Variants in PRC1 observed in about 807,000 individuals in gnomAD.
PRC1 encodes protein regulator of cytokinesis 1.
A neutral mutation model predicts 91.2 loss-of-function variants in PRC1; 54 were observed. The observed-to-expected ratio is 0.59, with a 90% CI of 0.48 to 0.74. PRC1 has a LOEUF of 0.74. Ranked by LOEUF, PRC1 falls within the 30% of genes least tolerant of loss-of-function variation. PRC1 has a pLI of 0.00. For synonymous variants in PRC1, 275 were observed against 263.6 expected (o/e 1.04, Z -0.42); for missense variants, 727 against 746.2 (o/e 0.97, Z 0.30).
intron 1 of PRC1, among the ~76,000 whole-genome samples, chr15:90,993,070 CAAAAAAAAAAAAA>C (rs67427806): frequency 7.1e-4 from 22 of 30,942 alleles, no homozygotes; most frequent in Non-Finnish European, 1.2e-3. Context: ...GACCCCGTCT[CAAAAAAAAAAAAA>C]AAAAAAAAAA....
At position 90,974,854 on chromosome 15, in the gene PRC1, TG is replaced by T; in HGVS notation, c.1204-124del. On this transcript the variant is annotated intron_variant, in intron 9 of 14. Transcript: ENST00000394249. This position sits in a 1 kb window ranked among gnomAD's most constrained non-coding sequence, Gnocchi z 4.6. ...CATCATTAGCCTCATTTCAGGTAGC[TG>T]GGCCCACATGGGTACAGGTCAGAGT... is the stretch of plus-strand genomic sequence containing the variant. 9.2e-7 allele frequency: 1 copy of T among 1,092,240 alleles called. No homozygotes were observed. The highest frequency in any genetic ancestry group is 1.4e-6 in the Non-Finnish European group (1 of 734,076). The allele number at this position is 1,092,240 out of a possible 1,614,324, so 67.7% of individuals were successfully genotyped here. A position where few individuals can be genotyped will look rare whatever the true frequency, so the allele number is the denominator to read the frequency against.
intron 11 of PRC1, among the ~76,000 whole-genome samples, chr15:90,971,289 G>A (rs1055544878): frequency 5.9e-5 from 9 of 152,146 alleles, no homozygotes; most frequent in Admixed American, 3.3e-4. Context: ...AATGATAAGA[G>A]CTGTAAATGT....
chr15:90,974,959 C>T lies in PRC1; in HGVS notation c.1204-228G>A, dbSNP rs2038543681. ...AAATGGCAAGAACCCAAAGTTTGACCACTAAGGTTTTGGTGCCTGAAGTTG... is the reference window on the plus strand; with the variant it reads ...AAATGGCAAGAACCCAAAGTTTGACTACTAAGGTTTTGGTGCCTGAAGTTG... On this transcript the variant is annotated intron_variant, in intron 9 of 14. Coordinates refer to ENST00000394249, the MANE Select transcript of PRC1 (RefSeq NM_003981.4). The surrounding 1 kb of genome is among the most constrained non-coding windows in gnomAD (Gnocchi z 4.6). Among the ~76,000 whole-genome samples the T allele has an allele frequency of 6.6e-6, 1 of 152,172 alleles. No individual in the cohort carries two copies. Among genetic ancestry groups the T allele is most frequent in the Admixed American group, 6.5e-5 (1 of 15,282 alleles).
chr15:90,979,707 C>T (rs1454124579), intron 7 of PRC1, among the ~76,000 whole-genome samples: 1 of 152,206 alleles, frequency 6.6e-6, no homozygotes, highest in Non-Finnish European at 1.5e-5. Context: ...CAACTGGACT[C>T]CAGGAGTCAA....
intron 9 of PRC1, among the ~76,000 whole-genome samples, chr15:90,975,300 C>T (rs1476073108): frequency 2.0e-5 from 3 of 152,050 alleles, no homozygotes; most frequent in Admixed American, 2.0e-4. Flanking sequence ...GATGGGGTTT[C>T]GTCATGTTGG....
chr15:90,992,229 G>C (rs1317153724), intron 1 of PRC1, among the ~76,000 whole-genome samples: 1 of 151,892 alleles, frequency 6.6e-6, no homozygotes, highest in African/African-American at 2.4e-5. Context: ...TTAACCTCTT[G>C]ATTTCTCTAC....
At chr15:90,973,112 G>T (rs2038310475) in intron 11 of PRC1, 2 of 152,286 alleles carry the variant, frequency 1.3e-5, no homozygotes, top group African/African-American at 4.8e-5. Context: ...AAGAGGTAGG[G>T]AAAAGAAAGA....
chr15:90,989,056 T>G (rs1469839365), intron 1 of PRC1, among the ~76,000 whole-genome samples: 2 of 152,082 alleles, frequency 1.3e-5, no homozygotes, highest in Non-Finnish European at 2.9e-5. Context: ...AATAAGCACA[T>G]GAAAAGATGC....
chr15:90,976,786 T>G lies in PRC1; in HGVS notation c.1108-15A>C. On this transcript the variant is annotated splice_polypyrimidine_tract_variant and intron_variant, in intron 8 of 14. Coordinates refer to ENST00000394249, the MANE Select transcript of PRC1 (RefSeq NM_003981.4). Reference sequence around the variant, plus strand: ...GAAGCTTTTCTCTGTGAAAAATACATTTTTAATTAGTGGAAAACCTGGCAC... The same window carrying G: ...GAAGCTTTTCTCTGTGAAAAATACAGTTTTAATTAGTGGAAAACCTGGCAC... 1 of 1,593,984 alleles carries G rather than the reference T, an allele frequency of 6.3e-7. No individual in the cohort carries two copies. The highest frequency in any genetic ancestry group is 8.6e-7 in the Non-Finnish European group (1 of 1,162,900).
chr15:90,993,868 AAGCC>A (rs1479677285), intron 1 of PRC1, among the ~76,000 whole-genome samples: 8 of 152,320 alleles, frequency 5.3e-5, no homozygotes, highest in Non-Finnish European at 1.0e-4. Context: ...GGATTACTTG[AAGCC>A]AGGAGTTCGA....
In PRC1 at chr15:90,983,046, T is replaced by C. The variant is rs58994217; in HGVS notation, c.267+972A>G. 8.3e-3 allele frequency among the ~76,000 whole-genome samples: 1,271 copies of C among 152,326 alleles called. 23 individuals carry two copies. Among genetic ancestry groups the C allele is most frequent in the African/African-American group, 0.029 (1,204 of 41,566 alleles). ...TCAGGTAACTTAAGGGAGATGATCGTTGTACACCTCACTTCTCGCCCAATT... is the reference window on the plus strand; with the variant it reads ...TCAGGTAACTTAAGGGAGATGATCGCTGTACACCTCACTTCTCGCCCAATT... On this transcript the variant is annotated intron_variant, in intron 3 of 14. Transcript: ENST00000394249.
At chr15:90,971,607 TAAA>T (rs2038138455) in intron 11 of PRC1, among the ~76,000 whole-genome samples, 1 of 150,210 alleles carries the variant, frequency 6.7e-6, no homozygotes, top group Non-Finnish European at 1.5e-5. Flanking sequence ...TTTTTTTAAT[TAAA>T]AAAATTCTAG....
At position 90,980,871 on chromosome 15, in the gene PRC1, C is replaced by T. The variant is rs1414105496; in HGVS notation, c.822+13G>A. 1.9e-6 allele frequency: 3 copies of T among 1,614,192 alleles called. No individual in the cohort carries two copies. Among genetic ancestry groups the T allele is most frequent in the East Asian group, 2.2e-5 (1 of 44,886 alleles). ...GAGAAGACTGCTGACCCAGTACCCA[C>T]TGGGTTTCTTACCGCTTTCCGGACC... On this transcript the variant is annotated intron_variant, in intron 6 of 14. Transcript: ENST00000394249.
At chr15:90,991,956 T>C (rs1182163216) in intron 1 of PRC1, among the ~76,000 whole-genome samples, 1 of 152,226 alleles carries the variant, frequency 6.6e-6, no homozygotes, top group Admixed American at 6.5e-5. Flanking sequence ...CCATTCCATC[T>C]GAAAGCCATT....
At chr15:90,990,432 C>T (rs576302891) in intron 1 of PRC1, among the ~76,000 whole-genome samples, 9 of 148,532 alleles carry the variant, frequency 6.1e-5, no homozygotes, top group African/African-American at 2.2e-4. Flanking sequence ...CTCTATGTTG[C>T]CCAAGCTGTT....
chr15:90,977,127 A>AAAAC (rs1370422764), intron 8 of PRC1: 1 of 143,052 alleles, frequency 7.0e-6, no homozygotes, highest in African/African-American at 3.1e-5. Context: ...CTCAAAAAAA[A>AAAAC]AAAAAAAAAA....
At chr15:90,978,392 G>A (rs1359217508) in intron 8 of PRC1, among the ~76,000 whole-genome samples, 2 of 151,116 alleles carry the variant, frequency 1.3e-5, no homozygotes, top group Non-Finnish European at 2.9e-5. Context: ...GAAGAGAGCC[G>A]GGAAGAGCTC....
chr15:90,968,077 C>G lies in PRC1; in HGVS notation c.1792-875G>C. 5.1e-6 allele frequency: 5 copies of G among 985,478 alleles called. No homozygotes were observed. The South Asian group carries it at 2.3e-4, about 46-fold the overall frequency. 61.0% of individuals were successfully genotyped at this position (985,478 alleles called of 1,614,324 possible). A position where few individuals can be genotyped will look rare whatever the true frequency, so the allele number is the denominator to read the frequency against. ...AGAGGTTAGTTTACCGGCTTTGGTGCTGCCTGGTGGAGTCTATCAGCCATA... is the reference window on the plus strand; with the variant it reads ...AGAGGTTAGTTTACCGGCTTTGGTGGTGCCTGGTGGAGTCTATCAGCCATA... On this transcript the variant is annotated intron_variant, in intron 14 of 14. Transcript: ENST00000394249.
intron 11 of PRC1, 106 bp from the exon 12 acceptor site, chr15:90,970,620 G>T: frequency 1.3e-6 from 1 of 790,612 alleles, no homozygotes; most frequent in Non-Finnish European, 2.1e-6. Context: ...GCAGTCTAGG[G>T]AAGACGGGTT....
Sources: allele counts gnomAD v4.1 joint callset (sites outside exome capture counted in the v4.1 genomes callset), GRCh38; gene constraint gnomAD v4.1.1; non-coding constraint Gnocchi (gnomAD v3.1); transcripts MANE v1.5; gene names NCBI Gene and HGNC (gene_info 2026-07-23, HGNC 2026-07-21).